PCDH15: variants seen among roughly 807,000 people sequenced by gnomAD.
PCDH15 encodes protocadherin related 15.
A neutral mutation model predicts 178.5 loss-of-function variants in PCDH15; 129 were observed. The ratio of observed to expected loss-of-function variants is 0.72; its 90% CI spans 0.63 to 0.84. The LOEUF is 0.84. PCDH15 is among the 40% of genes least tolerant of loss of function. PCDH15 has a pLI of 0.00. For synonymous variants in PCDH15, 800 were observed against 732.0 expected, an observed-to-expected ratio of 1.09 and a Z score of -1.50; for missense variants, 2,230 against 2,099.9, an observed-to-expected ratio of 1.06 and a Z score of -1.21.
chr10:55,236,093 G>GT (rs201948920), intron 1 of PCDH15, among the ~76,000 whole-genome samples: 1,775 of 151,470 alleles, frequency 0.012, 43 homozygotes, highest in African/African-American at 0.041. Context: ...CTGTCCTGCT[G>GT]TTTTTTTTCT....
intron 2 of PCDH15, among the ~76,000 whole-genome samples, chr10:55,450,024 C>A (rs981486593): frequency 2.0e-5 from 3 of 151,728 alleles, no homozygotes; most frequent in Non-Finnish European, 4.4e-5. Context: ...TAAAACATGG[C>A]TTAAAGCATT....
intron 3 of PCDH15, among the ~76,000 whole-genome samples, chr10:54,499,331 A>G (rs2080420069): frequency 1.3e-5 from 2 of 152,130 alleles, no homozygotes; most frequent in Non-Finnish European, 1.5e-5. Flanking sequence ...CCTAACAGAC[A>G]TCTACAGAAC....
chr10:55,394,741 T>C (rs764097453), intron 2 of PCDH15, among the ~76,000 whole-genome samples: 1 of 151,588 alleles, frequency 6.6e-6, no homozygotes, highest in Non-Finnish European at 1.5e-5. Flanking sequence ...ATTAAAGAAG[T>C]AATGGTAAGC....
At chr10:54,964,372 A>G (rs1160189541) in intron 2 of PCDH15, among the ~76,000 whole-genome samples, 1 of 152,196 alleles carries the variant, frequency 6.6e-6, no homozygotes, top group African/African-American at 2.4e-5. Context: ...AAACACTTAG[A>G]AAGTAGCAGT....
chr10:55,355,503 T>C (rs978081224), intron 2 of PCDH15, among the ~76,000 whole-genome samples: 2 of 152,030 alleles, frequency 1.3e-5, no homozygotes, highest in Non-Finnish European at 2.9e-5. Flanking sequence ...TTGTCGCACA[T>C]ATTTTCATGG....
chr10:55,460,499 T>C (rs986691871), intron 2 of PCDH15, among the ~76,000 whole-genome samples: 1 of 152,124 alleles, frequency 6.6e-6, no homozygotes, highest in Non-Finnish European at 1.5e-5. Flanking sequence ...TCTAATCTGC[T>C]GTTTATCCCA....
chr10:55,535,582 A>T (rs1291728856), intron 2 of PCDH15, among the ~76,000 whole-genome samples: 1 of 152,074 alleles, frequency 6.6e-6, no homozygotes, highest in African/African-American at 2.4e-5. Context: ...TGGAGTCAAC[A>T]TTTCTTCTGG....
chr10:55,399,699 G>A (rs1838018927), intron 2 of PCDH15, among the ~76,000 whole-genome samples: 1 of 151,956 alleles, frequency 6.6e-6, no homozygotes, highest in Admixed American at 6.6e-5. Context: ...TATATGAGAG[G>A]GGGTCTCTTG....
chr10:55,378,908 T>TCTCTCTCTCACACACACA (rs61280428), intron 2 of PCDH15, among the ~76,000 whole-genome samples: 2 of 148,796 alleles, frequency 1.3e-5, no homozygotes, highest in African/African-American at 5.0e-5. Context: ...TCTCTCTCTC[T>TCTCTCTCTCACACACACA]CACATATGCC....
chr10:55,249,712 G>A (rs993820382), intron 1 of PCDH15, among the ~76,000 whole-genome samples: 1 of 151,846 alleles, frequency 6.6e-6, no homozygotes, highest in African/African-American at 2.4e-5. Flanking sequence ...CCATGTAAAA[G>A]TTAACAAATA....
chr10:55,308,867 C>T (rs1246165694), intron 1 of PCDH15, among the ~76,000 whole-genome samples: 2 of 152,130 alleles, frequency 1.3e-5, no homozygotes, highest in African/African-American at 4.8e-5. Context: ...CAAAGGTAAG[C>T]TATTTTGAAC....
At chr10:54,386,791 C>G (rs776592051) in intron 3 of PCDH15, among the ~76,000 whole-genome samples, 5 of 152,188 alleles carry the variant, frequency 3.3e-5, no homozygotes, top group Admixed American at 1.3e-4. Flanking sequence ...AGGATGGCTA[C>G]TAGACAAAAA....
chr10:53,856,930 T>C (rs2133035153), intron 28 of PCDH15, among the ~76,000 whole-genome samples: 1 of 151,982 alleles, frequency 6.6e-6, no homozygotes, highest in Non-Finnish European at 1.5e-5. Context: ...AAGAAAATAA[T>C]AGACACTGAG....
intron 3 of PCDH15, among the ~76,000 whole-genome samples, chr10:54,485,723 A>T (rs1251194247): frequency 6.6e-6 from 1 of 151,870 alleles, no homozygotes; most frequent in Non-Finnish European, 1.5e-5. Flanking sequence ...TTAGCCATTT[A>T]TTTTTCAAAA....
At chr10:54,519,876 T>C (rs1168638645) in intron 3 of PCDH15, among the ~76,000 whole-genome samples, 1 of 152,042 alleles carries the variant, frequency 6.6e-6, no homozygotes, top group Non-Finnish European at 1.5e-5. Flanking sequence ...TATAGATCAA[T>C]GGAACAGAAC....
chr10:55,468,013 G>GAC (rs1839874006), intron 2 of PCDH15, among the ~76,000 whole-genome samples: 1 of 138,870 alleles, frequency 7.2e-6, no homozygotes, highest in African/African-American at 2.8e-5. Context: ...GGTCTGCCAG[G>GAC]ACTTCCTTCC....
intron 2 of PCDH15, among the ~76,000 whole-genome samples, chr10:55,388,579 T>A (rs1039252821): frequency 6.6e-6 from 1 of 152,072 alleles, no homozygotes; most frequent in Admixed American, 6.6e-5. Flanking sequence ...TGAGAAGAAA[T>A]GGTTTAAGTC....
intron 17 of PCDH15, among the ~76,000 whole-genome samples, chr10:54,070,591 C>T (rs1341909708): frequency 6.6e-6 from 1 of 150,928 alleles, no homozygotes; most frequent in Non-Finnish European, 1.5e-5. Context: ...TTTTTATTTT[C>T]ATTGTTGTTG....
At chr10:53,982,001 G>T (rs2090689561) in intron 21 of PCDH15, among the ~76,000 whole-genome samples, 4 of 152,118 alleles carry the variant, frequency 2.6e-5, no homozygotes, top group South Asian at 4.1e-4. Flanking sequence ...CATCAAAAAG[G>T]TGGCAAAGGA....
Sources: gnomAD v4.1 joint callset for allele counts (sites outside exome capture counted in the v4.1 genomes callset) on GRCh38, gnomAD v4.1.1 for gene constraint, MANE v1.5 for transcripts, NCBI Gene and HGNC (gene_info 2026-07-23, HGNC 2026-07-21) for gene names.